Variants in DNAH9 observed in about 807,000 individuals in gnomAD.
The protein encoded by DNAH9 is dynein axonemal heavy chain 9.
DNAH9 carries 345 observed loss-of-function variants against 471.6 expected under a neutral mutation model. The observed-to-expected ratio is 0.73, with a 90% confidence interval of 0.67 to 0.80. The LOEUF (loss-of-function observed/expected upper bound fraction) is 0.80. Ranked by LOEUF, DNAH9 falls within the 30% of genes least tolerant of loss-of-function variation. DNAH9 has a pLI of 0.00. For synonymous variants in DNAH9, 2,093 were observed against 2,123.6 expected, an observed-to-expected ratio of 0.99 and a Z score of 0.40; for missense variants, 5,407 against 5,609.2, an observed-to-expected ratio of 0.96 and a Z score of 1.15.
At chr17:11,856,355 A>G (rs1971625436) in intron 50 of DNAH9, among the ~76,000 whole-genome samples, 1 of 152,142 alleles carries the variant, frequency 6.6e-6, no homozygotes. Context: ...ATTAAAATCT[A>G]TGGAAAAAGG....
chr17:11,807,703 G>C, intron 43 of DNAH9, 29 bp from the exon 44 acceptor site: 1 of 1,586,458 alleles, frequency 6.3e-7, no homozygotes, highest in Non-Finnish European at 8.6e-7. Context: ...TCTGATCAAA[G>C]CAACATGTGC....
chr17:11,761,400 A>G (rs1264908407), intron 35 of DNAH9, among the ~76,000 whole-genome samples: 1 of 152,158 alleles, frequency 6.6e-6, no homozygotes, highest in Admixed American at 6.5e-5. Flanking sequence ...GAAGAGGGGA[A>G]ATCCGACTTC....
chr17:11,818,886 T>C (rs1156376738), intron 45 of DNAH9, among the ~76,000 whole-genome samples: 1 of 40,416 alleles, frequency 2.5e-5, no homozygotes, highest in African/African-American at 8.2e-5. Flanking sequence ...CCATTATTAC[T>C]ATTATTATTA....
chr17:11,711,918 T>A (rs867181406), intron 26 of DNAH9, among the ~76,000 whole-genome samples: 1 of 44,224 alleles, frequency 2.3e-5, no homozygotes, highest in African/African-American at 1.6e-4. Context: ...GTATATATAT[T>A]TATATATAAA....
intron 35 of DNAH9, among the ~76,000 whole-genome samples, chr17:11,762,770 G>GTTGTTGTTTTTT (rs1967746481): frequency 5.5e-5 from 5 of 90,792 alleles, no homozygotes; most frequent in Non-Finnish European, 8.7e-5. Flanking sequence ...TTTTTTTTTT[G>GTTGTTGTTTTTT]TTTTTTTTTT....
chr17:11,616,510 T>G (rs1022652133), intron 4 of DNAH9, among the ~76,000 whole-genome samples: 3 of 152,192 alleles, frequency 2.0e-5, no homozygotes, highest in Non-Finnish European at 4.4e-5. Flanking sequence ...GATATTAGCA[T>G]CCAGTGCTGC....
At position 11,726,464 on chromosome 17, in the gene DNAH9, T is replaced by C. The variant is rs542227477; in HGVS notation, c.5710-1354T>C. Among the ~76,000 whole-genome samples the C allele has an allele frequency of 2.2e-4, 34 of 152,254 alleles. No homozygotes were observed. In the South Asian group the frequency reaches 3.3e-3, roughly 15 times the overall value. Reference sequence around the variant, plus strand: ...TTTGCTTGACCAAAAAGCCCTTTCTTCGAAGAGCATCTTTCAGGCCTGTGG... The same window carrying C: ...TTTGCTTGACCAAAAAGCCCTTTCTCCGAAGAGCATCTTTCAGGCCTGTGG... On this transcript the variant is annotated intron_variant, in intron 27 of 68. Coordinates refer to ENST00000262442, the MANE Select transcript of DNAH9 (RefSeq NM_001372.4).
chr17:11,757,675 A>T lies in DNAH9; in HGVS notation c.6978A>T (p.Leu2326=). The change falls in exon 35 of 69, where the codon CTA becomes CTT. Residue 2326 remains leucine, a synonymous_variant. Transcript: ENST00000262442. ...TCGACAAGTATCTTCCAACCTGCCTAGACACACTCAGAACCAGGTAGGCCA... is the reference window on the plus strand; with the variant it reads ...TCGACAAGTATCTTCCAACCTGCCTTGACACACTCAGAACCAGGTAGGCCA... ...ILFDKYLPTC[L]DTLRTRFKKI... 6.2e-7 allele frequency: 1 copy of T among 1,613,992 alleles called. No individual in the cohort carries two copies. Among genetic ancestry groups the T allele is most frequent in the Non-Finnish European group, 8.5e-7 (1 of 1,180,012 alleles).
At chr17:11,712,930 G>T (rs959805172) in intron 26 of DNAH9, among the ~76,000 whole-genome samples, 19 of 151,554 alleles carry the variant, frequency 1.3e-4, no homozygotes, top group African/African-American at 4.1e-4. Context: ...AGGTTTTGGG[G>T]TACCTGTAAA....
intron 24 of DNAH9, among the ~76,000 whole-genome samples, chr17:11,702,835 G>A (rs2074625047): frequency 6.6e-6 from 1 of 152,140 alleles, no homozygotes; most frequent in South Asian, 2.1e-4. Context: ...GCTCACGCCT[G>A]TAATCCCAGC....
chr17:11,905,041 G>A (rs1046468429), intron 60 of DNAH9, among the ~76,000 whole-genome samples: 1 of 151,906 alleles, frequency 6.6e-6, no homozygotes, highest in Non-Finnish European at 1.5e-5. Context: ...AGACCATCCT[G>A]GCCAACATGG....
chr17:11,963,445 AAAG>A (rs1291531328), intron 68 of DNAH9, among the ~76,000 whole-genome samples: 1 of 152,108 alleles, frequency 6.6e-6, no homozygotes, highest in Non-Finnish European at 1.5e-5. Flanking sequence ...AAAAAAAAAA[AAAG>A]AAGACAACGA....
In DNAH9 at chr17:11,671,181, G is replaced by A. The variant is rs183831642; in HGVS notation, c.3353+1387G>A. Among the ~76,000 whole-genome samples, 85 of 152,272 alleles carry A rather than the reference G, an allele frequency of 5.6e-4. No homozygotes were observed. The Middle Eastern group carries it at 0.01, about 18-fold the overall frequency. Reference sequence around the variant, plus strand: ...CTTTGTGGTCCCTCTTCATTGCTACGTCTGGTAATTCAAGGATAAGCAGCA... The same window carrying A: ...CTTTGTGGTCCCTCTTCATTGCTACATCTGGTAATTCAAGGATAAGCAGCA... On this transcript the variant is annotated intron_variant, in intron 17 of 68. Coordinates refer to ENST00000262442, the MANE Select transcript of DNAH9 (RefSeq NM_001372.4).
At chr17:11,609,484 C>T (rs72810832) in intron 2 of DNAH9, among the ~76,000 whole-genome samples, 44 of 152,280 alleles carry the variant, frequency 2.9e-4, no homozygotes, top group Non-Finnish European at 5.9e-4. Flanking sequence ...AAGACTGGAT[C>T]ATTTTGGGGG....
chr17:11,893,162 G>T, intron 58 of DNAH9, among the ~76,000 whole-genome samples: 1 of 109,964 alleles, frequency 9.1e-6, no homozygotes, highest in Admixed American at 1.3e-4. Flanking sequence ...CAGCCCAGAT[G>T]ACAGCTTGGC....
At chr17:11,702,076 A>G (rs2074611184) in intron 24 of DNAH9, among the ~76,000 whole-genome samples, 1 of 152,232 alleles carries the variant, frequency 6.6e-6, no homozygotes, top group Admixed American at 6.5e-5. Context: ...ATATGATATG[A>G]AAGCTGAGAT....
intron 48 of DNAH9, among the ~76,000 whole-genome samples, chr17:11,831,524 C>T (rs2150950693): frequency 6.6e-6 from 1 of 152,232 alleles, no homozygotes; most frequent in Middle Eastern, 3.4e-3. Context: ...CAATTTTCAA[C>T]ATGAGGTTTG....
At chr17:11,781,206 AG>A (rs1387278320) in intron 39 of DNAH9, 32 bp downstream of exon 39, 2 of 1,603,864 alleles carry the variant, frequency 1.2e-6, no homozygotes, top group Admixed American at 3.4e-5. Context: ...GACTGGCCCA[AG>A]GGAGCAGAGC....
intron 59 of DNAH9, among the ~76,000 whole-genome samples, chr17:11,898,122 TTTTCC>T (rs1840139688): frequency 2.0e-5 from 2 of 98,346 alleles, no homozygotes; most frequent in South Asian, 3.8e-4. Context: ...CACTTCTTTC[TTTTCC>T]TTTTCTTTTT....
Sources: gnomAD v4.1 joint callset for allele counts (sites outside exome capture counted in the v4.1 genomes callset) on GRCh38, gnomAD v4.1.1 for gene constraint, MANE v1.5 for transcripts, NCBI Gene and HGNC (gene_info 2026-07-23, HGNC 2026-07-21) for gene names.